Variants in ITGAL observed in about 807,000 individuals in gnomAD.
ITGAL encodes the protein integrin alpha-L.
ITGAL carries 68 observed loss-of-function variants against 138.4 expected under a neutral mutation model. The observed-to-expected ratio is 0.49, with a 90% CI of 0.40 to 0.60. The LOEUF is 0.60. Ranked by LOEUF, ITGAL falls within the 20% of genes least tolerant of loss-of-function variation. The pLI is 0.00. For missense variants in ITGAL, 1,256 were observed against 1,478.6 expected (o/e 0.85, Z 2.47); for synonymous variants, 561 against 584.3 (o/e 0.96, Z 0.57).
At chr16:30,503,642 G>A (rs1046997957) in intron 17 of ITGAL, among the ~76,000 whole-genome samples, 4 of 151,568 alleles carry the variant, frequency 2.6e-5, no homozygotes, top group Non-Finnish European at 5.9e-5. Flanking sequence ...AGAGAAGAAA[G>A]AAAAGGAAGG....
chr16:30,518,624 G>C lies in ITGAL; in HGVS notation c.3133G>C (p.Ala1045Pro). The C allele has an allele frequency of 3.1e-6, 5 of 1,611,870 alleles. No individual in the cohort carries two copies. Among genetic ancestry groups the C allele is most frequent in the Non-Finnish European group, 4.2e-6 (5 of 1,178,048 alleles). The change falls in exon 29 of 31, where the codon GCC becomes CCC. Residue 1045 changes from alanine to proline, a missense_variant and splice_region_variant. By Grantham distance (27) the Ala-to-Pro change is conservative (BLOSUM62 -1). Around this residue, in one of 3 missense-constraint regions of ITGAL, gnomAD observed 867 missense variants for 972.5 expected, o/e 0.89. Transcript: ENST00000356798. ...CTGACGCCTTTCCCCGCTCCCACAGGCCTCTTCCATGTTCAGCCTCTGCAG... is the reference window on the plus strand; with the variant it reads ...CTGACGCCTTTCCCCGCTCCCACAGCCCTCTTCCATGTTCAGCCTCTGCAG... Reference protein sequence around the residue: ...GTLELVGEIEASSMFSLCSSL... With the variant: ...GTLELVGEIEPSSMFSLCSSL...
intron 8 of ITGAL, 71 bp downstream of exon 8, chr16:30,484,030 T>C: frequency 6.3e-7 from 1 of 1,594,384 alleles, no homozygotes; most frequent in Non-Finnish European, 8.6e-7. Context: ...CCTTTCTCCC[T>C]GGGGCCAGAC....
In ITGAL at chr16:30,499,115, C is replaced by G. The variant is rs1202584621; in HGVS notation, c.1874C>G (p.Ser625Cys). The G allele has an allele frequency of 1.2e-6, 2 of 1,614,134 alleles. No homozygotes were observed. The highest frequency in any genetic ancestry group is 2.7e-5 in the African/African-American group (2 of 75,028). The part of the protein sequence containing the change: ...VVDMVTLMSF[S>C]PAEIPVHEVE... ...GATATGGTCACCCTGATGTCCTTCT[C>G]TCCAGCTGAGATCCCAGTGCATGAA... Residue 625 changes from serine to cysteine, a missense_variant, in exon 16 of 31, where the codon TCT (serine) becomes TGT (cysteine). By Grantham distance (112) the Ser-to-Cys change is moderately radical. This residue lies in a region of ITGAL where 867 missense variants were observed against 972.5 expected (regional missense o/e 0.89). Coordinates refer to ENST00000356798, the MANE Select transcript of ITGAL (RefSeq NM_002209.3).
At chr16:30,481,182 A>G in intron 6 of ITGAL, 1 of 353,736 alleles carries the variant, frequency 2.8e-6, no homozygotes, top group Non-Finnish European at 5.1e-6. Flanking sequence ...ACACACACAC[A>G]CCACACACAC....
intron 7 of ITGAL, among the ~76,000 whole-genome samples, chr16:30,483,530 G>T (rs1339312070): frequency 1.3e-5 from 2 of 152,176 alleles, no homozygotes; most frequent in Admixed American, 6.6e-5. Flanking sequence ...CCATGTGGTT[G>T]CAATGGAGGG....
intron 25 of ITGAL, among the ~76,000 whole-genome samples, chr16:30,515,341 C>G (rs2051150901): frequency 1.3e-5 from 2 of 152,202 alleles, no homozygotes; most frequent in African/African-American, 4.8e-5. Context: ...TCCTCACCTT[C>G]TTGCAACTGG....
rs2050692368 is a variant in ITGAL, at chr16:30,489,311, C to G, written c.1138C>G (p.Leu380Val). 5 of 1,613,858 alleles carry G rather than the reference C, an allele frequency of 3.1e-6. No homozygotes were observed. The East Asian group carries it at 1.1e-4, about 36-fold the overall frequency. The change falls in exon 11 of 31, where the codon CTG becomes GTG. Residue 380 changes from leucine (L) to valine (V), a missense_variant. By Grantham distance (32) the Leu-to-Val change is conservative (BLOSUM62 1). Coordinates refer to ENST00000356798, the MANE Select transcript of ITGAL (RefSeq NM_002209.3). Reference protein sequence around the residue: ...AKDWAGGFLDLKADLQDDTFI... With the variant: ...AKDWAGGFLDVKADLQDDTFI... ...GGACTGGGCTGGGGGCTTTCTTGAC[C>G]TGAAGGCAGACCTGCAGGATGACAC...
intron 25 of ITGAL, among the ~76,000 whole-genome samples, chr16:30,514,236 A>T (rs1190921861): frequency 2.6e-5 from 4 of 151,848 alleles, no homozygotes; most frequent in Non-Finnish European, 1.5e-5. Flanking sequence ...TCAGCCTCCC[A>T]AGTAGCTGAG....
chr16:30,500,602 T>C (rs901761221), intron 17 of ITGAL, among the ~76,000 whole-genome samples: 1 of 151,750 alleles, frequency 6.6e-6, no homozygotes, highest in Non-Finnish European at 1.5e-5. Context: ...CAGGCTGGAG[T>C]GGAGTGATGC....
At chr16:30,499,043 G>A in intron 15 of ITGAL, 31 bp from the exon 16 acceptor site, 6 of 1,606,150 alleles carry the variant, frequency 3.7e-6, no homozygotes, top group Non-Finnish European at 5.1e-6. Context: ...TTGGGTTGGA[G>A]GGAGAGAGTT....
intron 17 of ITGAL, 114 bp from the exon 18 acceptor site, chr16:30,504,061 G>A: frequency 1.2e-6 from 1 of 820,184 alleles, no homozygotes; most frequent in Non-Finnish European, 2.1e-6. Flanking sequence ...TAGGGTCTTA[G>A]ACAAAGAACT....
chr16:30,479,598 C>A, intron 6 of ITGAL, 137 bp downstream of exon 6: 3 of 609,856 alleles, frequency 4.9e-6, no homozygotes, highest in Non-Finnish European at 8.1e-6. Flanking sequence ...CTGGAAGGGA[C>A]AAGAACCAGG....
chr16:30,486,162 G>A (rs2050643753), intron 9 of ITGAL, among the ~76,000 whole-genome samples: 1 of 152,160 alleles, frequency 6.6e-6, no homozygotes, highest in Non-Finnish European at 1.5e-5. Context: ...ATTCCTACAG[G>A]AAAGTCTCCT....
At chr16:30,509,101 C>A (rs952133274) in intron 21 of ITGAL, among the ~76,000 whole-genome samples, 1 of 149,900 alleles carries the variant, frequency 6.7e-6, no homozygotes, top group Non-Finnish European at 1.5e-5. Context: ...CACTTGAACC[C>A]AGGAGGTGGA....
chr16:30,494,941 A>G lies in ITGAL; in HGVS notation c.1503+91A>G. ...TTCTGAAGGCTTTCTCTGTCTGGTC[A>G]CGTGGCGATCAAACTTTTAGAACGA... On this transcript the variant is annotated intron_variant, in intron 13 of 30. Transcript: ENST00000356798. The surrounding 1 kb of genome is among the most constrained non-coding windows in gnomAD (Gnocchi z 4.2). The G allele has an allele frequency of 1.4e-6, 2 of 1,424,586 alleles. No homozygotes were observed. The highest frequency in any genetic ancestry group is 1.4e-5 in the South Asian group (1 of 69,222). The allele number at this position is 1,424,586 out of a possible 1,614,324, so 88.2% of individuals were successfully genotyped here. A position where few individuals can be genotyped will look rare whatever the true frequency, so the allele number is the denominator to read the frequency against.
At chr16:30,518,498 G>A (rs1458525132) in intron 28 of ITGAL, 126 bp from the exon 29 acceptor site, 4 of 670,402 alleles carry the variant, frequency 6.0e-6, no homozygotes, top group Non-Finnish European at 1.1e-5. Context: ...AGAGAGTTGT[G>A]TAGAGATGGG....
Position 30,475,200 on chromosome 16 carries a change from G to A in ITGAL, c.165-106G>A. ...GGCACCTTCTTGAAGGGGAATGGCTGCAGTGCTTGGAGAAATGAGACAGGA... is the reference window on the plus strand; with the variant it reads ...GGCACCTTCTTGAAGGGGAATGGCTACAGTGCTTGGAGAAATGAGACAGGA... On this transcript the variant is annotated intron_variant, in intron 2 of 30. Coordinates refer to ENST00000356798, the MANE Select transcript of ITGAL (RefSeq NM_002209.3). The A allele has an allele frequency of 4.8e-6, 4 of 826,310 alleles. No individual in the cohort carries two copies. In the South Asian group the frequency reaches 6.6e-5, roughly 14 times the overall value. 51.2% of individuals were successfully genotyped at this position (826,310 alleles called of 1,614,324 possible).
chr16:30,519,148 G>T (rs1878197729), intron 29 of ITGAL, among the ~76,000 whole-genome samples: 2 of 152,064 alleles, frequency 1.3e-5, no homozygotes, highest in Non-Finnish European at 2.9e-5. Flanking sequence ...ACTTGAACCT[G>T]GGAGGCAGAG....
At chr16:30,490,178 G>T (rs2050704541) in intron 11 of ITGAL, among the ~76,000 whole-genome samples, 1 of 142,352 alleles carries the variant, frequency 7.0e-6, no homozygotes, top group African/African-American at 2.6e-5. Context: ...AGTGAACTGA[G>T]GATCATGCCA....
Sources: allele counts gnomAD v4.1 joint callset (sites outside exome capture counted in the v4.1 genomes callset), GRCh38; gene constraint gnomAD v4.1.1; regional missense constraint gnomAD v4.1.1; non-coding constraint Gnocchi (gnomAD v3.1); transcripts MANE v1.5; gene names NCBI Gene and HGNC (gene_info 2026-07-23, HGNC 2026-07-21).